The following TMEM132D variants were observed in gnomAD, a reference collection of about 807,000 sequenced individuals.
TMEM132D encodes mature OL transmembrane protein.
TMEM132D carries 21 observed loss-of-function variants against 62.3 expected under a neutral mutation model. The observed-to-expected ratio is 0.34, with a 90% CI of 0.24 to 0.49. The LOEUF (loss-of-function observed/expected upper bound fraction) is 0.49. TMEM132D is among the 20% of genes least tolerant of loss of function. The probability of loss-of-function intolerance (pLI) is 0.99; values close to 1 mark genes in which losing one functional copy is unlikely to be tolerated. For synonymous variants in TMEM132D, 621 were observed against 575.6 expected (o/e 1.08, Z -1.13); for missense variants, 1,346 against 1,402.8 (o/e 0.96, Z 0.65).
chr12:129,343,669 T>G (rs1869586019), intron 3 of TMEM132D, among the ~76,000 whole-genome samples: 1 of 150,588 alleles, frequency 6.6e-6, no homozygotes, highest in African/African-American at 2.4e-5. Flanking sequence ...CCCAGCACTT[T>G]GGGAGGCTGA....
At chr12:129,398,844 AT>A (rs1871511726) in intron 3 of TMEM132D, among the ~76,000 whole-genome samples, 2 of 128,424 alleles carry the variant, frequency 1.6e-5, no homozygotes, top group Non-Finnish European at 1.5e-5. Context: ...TCATCCATCC[AT>A]CCATCCATCC....
At chr12:129,568,444 G>A (rs1055178865) in intron 2 of TMEM132D, among the ~76,000 whole-genome samples, 2 of 152,148 alleles carry the variant, frequency 1.3e-5, no homozygotes, top group African/African-American at 4.8e-5. Context: ...AGAAACCATT[G>A]TTTTATGACA....
At chr12:129,148,206 G>T (rs1386553599) in intron 5 of TMEM132D, among the ~76,000 whole-genome samples, 1 of 152,104 alleles carries the variant, frequency 6.6e-6, no homozygotes, top group Non-Finnish European at 1.5e-5. Context: ...CCTAAAATTG[G>T]TGCTCAGTAT....
At chr12:129,604,165 G>A (rs1477716641) in intron 2 of TMEM132D, among the ~76,000 whole-genome samples, 1 of 152,012 alleles carries the variant, frequency 6.6e-6, no homozygotes, top group Admixed American at 6.5e-5. Context: ...AGGGCCCGTC[G>A]AGGGGTTGGG....
intron 3 of TMEM132D, among the ~76,000 whole-genome samples, chr12:129,392,372 C>G (rs11060307): frequency 6.6e-6 from 1 of 152,180 alleles, no homozygotes. Flanking sequence ...CTCAGTATTT[C>G]TTAAAAGTTC....
intron 3 of TMEM132D, among the ~76,000 whole-genome samples, chr12:129,424,574 G>A (rs981635907): frequency 6.6e-6 from 1 of 151,810 alleles, no homozygotes; most frequent in African/African-American, 2.4e-5. Flanking sequence ...CGGGCGTGGT[G>A]GTGGGCACCT....
chr12:129,898,980 G>T (rs1375088466), intron 1 of TMEM132D, among the ~76,000 whole-genome samples: 1 of 152,218 alleles, frequency 6.6e-6, no homozygotes, highest in East Asian at 1.9e-4. Context: ...CTAGAGGAAT[G>T]ACTGGCACTA....
chr12:129,637,081 TG>T (rs1326897385), intron 2 of TMEM132D, among the ~76,000 whole-genome samples: 3 of 152,224 alleles, frequency 2.0e-5, no homozygotes, highest in African/African-American at 7.2e-5. Context: ...ATGACTCACG[TG>T]TCGACAGTTT....
chr12:129,352,206 T>C (rs1869889847), intron 3 of TMEM132D, among the ~76,000 whole-genome samples: 1 of 152,192 alleles, frequency 6.6e-6, no homozygotes, highest in Admixed American at 6.5e-5. Context: ...AGTTGGAGTG[T>C]CCTGATATCC....
chr12:129,666,316 T>C (rs560202056), intron 2 of TMEM132D, among the ~76,000 whole-genome samples: 2 of 152,338 alleles, frequency 1.3e-5, no homozygotes, highest in Admixed American at 6.5e-5. Context: ...GTGTGTTTTG[T>C]GTGTGTCTGT....
intron 4 of TMEM132D, among the ~76,000 whole-genome samples, chr12:129,238,313 AC>A (rs1360999734): frequency 2.0e-5 from 3 of 152,356 alleles, no homozygotes; most frequent in South Asian, 4.1e-4. Context: ...ATTATTTAAA[AC>A]AATTTTAAAA....
At chr12:129,461,823 G>T (rs2135732953) in intron 3 of TMEM132D, among the ~76,000 whole-genome samples, 1 of 152,186 alleles carries the variant, frequency 6.6e-6, no homozygotes, top group East Asian at 1.9e-4. Context: ...CAGGTACATA[G>T]ATAGAGAAAT....
At chr12:129,344,519 C>T (rs547817459) in intron 3 of TMEM132D, among the ~76,000 whole-genome samples, 27 of 152,232 alleles carry the variant, frequency 1.8e-4, no homozygotes, top group African/African-American at 6.3e-4. Context: ...GTTAGAGGAA[C>T]CTCTTAATAA....
At chr12:129,254,229 A>C (rs1566012908) in intron 4 of TMEM132D, among the ~76,000 whole-genome samples, 1 of 152,240 alleles carries the variant, frequency 6.6e-6, no homozygotes, top group Non-Finnish European at 1.5e-5. Flanking sequence ...TTCCCAGAGC[A>C]AAGAAAACAT....
intron 3 of TMEM132D, among the ~76,000 whole-genome samples, chr12:129,451,713 C>G (rs1036920874): frequency 2.0e-5 from 3 of 152,100 alleles, no homozygotes; most frequent in African/African-American, 7.2e-5. Flanking sequence ...GAAAAGACAG[C>G]CAGGACTGAT....
intron 1 of TMEM132D, among the ~76,000 whole-genome samples, chr12:129,740,385 G>T (rs951633965): frequency 2.6e-4 from 40 of 152,134 alleles, no homozygotes; most frequent in Admixed American, 2.6e-3. Flanking sequence ...TATGGCCCAG[G>T]TACTGTTGCT....
chr12:129,223,258 G>A (rs4424731), intron 4 of TMEM132D, among the ~76,000 whole-genome samples: 47,901 of 151,454 alleles, frequency 0.32, 7,950 homozygotes, highest in Middle Eastern at 0.42. Context: ...AGAATGCAGT[G>A]GAAGTGATGG....
At chr12:129,090,667 GA>G (rs34050478) in intron 5 of TMEM132D, among the ~76,000 whole-genome samples, 1 of 149,950 alleles carries the variant, frequency 6.7e-6, no homozygotes, top group Non-Finnish European at 1.5e-5. Context: ...GACCCTGTCT[GA>G]AAAAAAAAGA....
intron 2 of TMEM132D, among the ~76,000 whole-genome samples, chr12:129,666,392 T>C (rs1396749904): frequency 2.1e-5 from 2 of 97,060 alleles, no homozygotes; most frequent in African/African-American, 6.9e-5. Context: ...ATCAAGTATT[T>C]TGTCAGAAAA....
Sources: gnomAD v4.1 joint callset for allele counts (sites outside exome capture counted in the v4.1 genomes callset) on GRCh38, gnomAD v4.1.1 for gene constraint, MANE v1.5 for transcripts, NCBI Gene and HGNC (gene_info 2026-07-23, HGNC 2026-07-21) for gene names.